Variants in PALS2 observed in about 807,000 individuals in gnomAD.
PALS2 encodes the protein protein PALS2.
A neutral mutation model predicts 61.6 loss-of-function variants in PALS2; 27 were observed. That is an observed-to-expected ratio of 0.44 (90% CI 0.32 to 0.60). The LOEUF is 0.60. PALS2 is among the 20% of genes least tolerant of loss of function. The pLI, the probability that PALS2 is intolerant of heterozygous loss-of-function variation, is 0.05. For missense variants in PALS2, 554 were observed against 639.4 expected (o/e 0.87, Z 1.44); for synonymous variants, 236 against 218.6 (o/e 1.08, Z -0.70).
intron 1 of PALS2, among the ~76,000 whole-genome samples, chr7:24,616,575 G>A (rs571967376): frequency 2.2e-4 from 34 of 152,096 alleles, no homozygotes; most frequent in Non-Finnish European, 4.3e-4. Flanking sequence ...TGAGTTTCTT[G>A]TAGGCAACAT....
Position 24,692,141 on chromosome 7 carries a change from A to G in PALS2, c.*4527A>G, listed in dbSNP as rs1042137934. 6.6e-6 allele frequency: 1 copy of G among 152,166 alleles called. No homozygotes were observed. The highest frequency in any genetic ancestry group is 1.5e-5 in the Non-Finnish European group (1 of 68,000). 9.4% of individuals were successfully genotyped at this position (152,166 alleles called of 1,614,324 possible). A position where few individuals can be genotyped will look rare whatever the true frequency, so the allele number is the denominator to read the frequency against. ...GTGTTCTTGGAATAGTTTTTGAAAA[A>G]TGCAGAGATTCGAACATGAGTCCTT... On this transcript the variant is annotated 3_prime_UTR_variant, in exon 12 of 12. Coordinates refer to ENST00000222644, the MANE Select transcript of PALS2 (RefSeq NM_001303037.2).
chr7:24,605,719 C>T (rs960880374), intron 1 of PALS2, among the ~76,000 whole-genome samples: 1 of 151,958 alleles, frequency 6.6e-6, no homozygotes, highest in Non-Finnish European at 1.5e-5. Context: ...TAAAAAGGCT[C>T]TTGTCTCTAT....
chr7:24,678,691 A>G (rs999515606), intron 9 of PALS2, among the ~76,000 whole-genome samples: 2 of 152,186 alleles, frequency 1.3e-5, no homozygotes, highest in Non-Finnish European at 2.9e-5. Flanking sequence ...TGCCTCAAAC[A>G]CTTACCATAA....
intron 2 of PALS2, among the ~76,000 whole-genome samples, chr7:24,631,946 T>A (rs1785014132): frequency 6.6e-6 from 1 of 152,326 alleles, no homozygotes; most frequent in South Asian, 2.1e-4. Context: ...AACAAAAAAA[T>A]TTGTGTGACT....
At chr7:24,590,309 G>T (rs964914154) in intron 1 of PALS2, among the ~76,000 whole-genome samples, 2 of 152,050 alleles carry the variant, frequency 1.3e-5, no homozygotes, top group African/African-American at 4.8e-5. Flanking sequence ...GATGATTTTT[G>T]AATTGTGTGC....
Position 24,663,708 on chromosome 7 carries a change from C to G in PALS2, c.770C>G (p.Pro257Arg), listed in dbSNP as rs1481861047. The change falls in exon 6 of 12, where the codon CCA becomes CGA. Residue 257 changes from proline to arginine, a missense_variant. By Grantham distance (103) the Pro-to-Arg change is moderately radical. Coordinates refer to ENST00000222644, the MANE Select transcript of PALS2 (RefSeq NM_001303037.2). ...EILQIVNRED[P>R]NWWQASHVKE... Reference sequence around the variant, plus strand: ...CTTCAGATTGTAAATAGAGAAGATCCAAATTGGTGGCAGGTTAGTATGCTT... The same window carrying G: ...CTTCAGATTGTAAATAGAGAAGATCGAAATTGGTGGCAGGTTAGTATGCTT... 3 of 1,610,512 alleles carry G rather than the reference C, an allele frequency of 1.9e-6. No individual in the cohort carries two copies. The highest frequency in any genetic ancestry group is 2.7e-5 in the African/African-American group (2 of 74,686).
intron 2 of PALS2, among the ~76,000 whole-genome samples, chr7:24,633,243 G>C (rs558031058): frequency 7.8e-4 from 118 of 150,834 alleles, no homozygotes; most frequent in African/African-American, 2.7e-3. Flanking sequence ...TTTCTTGCAA[G>C]ACAGGTGTAG....
intron 5 of PALS2, among the ~76,000 whole-genome samples, chr7:24,660,660 T>G (rs897636698): frequency 6.6e-6 from 1 of 152,228 alleles, no homozygotes; most frequent in Non-Finnish European, 1.5e-5. Context: ...TCCAATCTTT[T>G]GTTATTAGGA....
intron 2 of PALS2, 44 bp downstream of exon 2, chr7:24,623,828 A>T: frequency 7.4e-7 from 1 of 1,353,622 alleles, no homozygotes; most frequent in Non-Finnish European, 1.0e-6. Flanking sequence ...TTTTGGACTT[A>T]GTTTTTATAG....
chr7:24,592,724 G>A (rs550196513), intron 1 of PALS2, among the ~76,000 whole-genome samples: 1 of 152,066 alleles, frequency 6.6e-6, no homozygotes, highest in Admixed American at 6.6e-5. Context: ...ACACTACACT[G>A]TAGATTATTA....
At chr7:24,646,794 G>A (rs1785853709) in intron 3 of PALS2, among the ~76,000 whole-genome samples, 2 of 152,044 alleles carry the variant, frequency 1.3e-5, no homozygotes, top group Non-Finnish European at 2.9e-5. Context: ...GCTTTTTTTG[G>A]TTGATAAACT....
At chr7:24,624,070 A>G in intron 2 of PALS2, 1 of 1,342,294 alleles carries the variant, frequency 7.4e-7, no homozygotes, top group Non-Finnish European at 9.9e-7. Context: ...AGGGCCTGTG[A>G]AAAAGATCCT....
At chr7:24,614,809 T>G (rs1042455409) in intron 1 of PALS2, among the ~76,000 whole-genome samples, 1 of 151,890 alleles carries the variant, frequency 6.6e-6, no homozygotes, top group Non-Finnish European at 1.5e-5. Context: ...CATGAAACAT[T>G]TTCTAGGAAA....
intron 2 of PALS2, 51 bp downstream of exon 2, chr7:24,623,835 A>G (rs114671303): frequency 6.0e-6 from 8 of 1,332,252 alleles, no homozygotes; most frequent in African/African-American, 2.9e-5. Flanking sequence ...CTTAGTTTTT[A>G]TAGAGATATT....
At chr7:24,666,705 C>G (rs796176270) in intron 8 of PALS2, among the ~76,000 whole-genome samples, 45 of 152,222 alleles carry the variant, frequency 3.0e-4, no homozygotes, top group African/African-American at 1.1e-3. Flanking sequence ...ACTTTATATA[C>G]AATTCCTGTT....
At chr7:24,679,455 A>G (rs713571) in intron 10 of PALS2, 122 bp downstream of exon 10, 115,720 of 875,500 alleles carry the variant, frequency 0.13, 11,478 homozygotes, top group East Asian at 0.46. Context: ...GACTCCCTCC[A>G]TTACCTTTGG....
chr7:24,575,620 C>T (rs1207794251), intron 1 of PALS2, among the ~76,000 whole-genome samples: 1 of 152,096 alleles, frequency 6.6e-6, no homozygotes, highest in African/African-American at 2.4e-5. Context: ...ACATGCTTTA[C>T]TACTTAATAA....
At chr7:24,663,750 C>A in intron 6 of PALS2, 29 bp downstream of exon 6, 1 of 1,585,014 alleles carries the variant, frequency 6.3e-7, no homozygotes, top group Non-Finnish European at 8.6e-7. Flanking sequence ...AGTTCCTCAG[C>A]TACTTTTCTA....
At position 24,691,651 on chromosome 7, in the gene PALS2, G is replaced by C. The variant is rs1788484518; in HGVS notation, c.*4037G>C. ...TTCTGAAAAATATATGAGAAACTCA[G>C]AAAGTAGTCATTATTATAATAAATT... On this transcript the variant is annotated 3_prime_UTR_variant, in exon 12 of 12. Transcript: ENST00000222644. The C allele has an allele frequency of 6.6e-6, 1 of 151,484 alleles. No homozygotes were observed. The highest frequency in any genetic ancestry group is 2.4e-5 in the African/African-American group (1 of 41,288). The allele number at this position is 151,484 out of a possible 1,614,324, so 9.4% of individuals were successfully genotyped here.
Sources: gnomAD v4.1 joint callset for allele counts (sites outside exome capture counted in the v4.1 genomes callset) on GRCh38, gnomAD v4.1.1 for gene constraint, MANE v1.5 for transcripts, NCBI Gene and HGNC (gene_info 2026-07-23, HGNC 2026-07-21) for gene names.